PDXDC1: variants seen among roughly 807,000 people sequenced by gnomAD.
The protein encoded by PDXDC1 is pyridoxal dependent decarboxylase domain containing 1.
Under a neutral mutation model 100.1 loss-of-function variants are expected in PDXDC1, and 42 were observed. The observed-to-expected ratio is 0.42, with a 90% CI of 0.33 to 0.54. The LOEUF is 0.54. PDXDC1 is among the 20% of genes least tolerant of loss of function. PDXDC1 has a pLI of 0.10. For missense variants in PDXDC1, 636 were observed against 979.2 expected, an observed-to-expected ratio of 0.65 and a Z score of 4.68; for synonymous variants, 260 against 371.7, an observed-to-expected ratio of 0.70 and a Z score of 3.46.
At chr16:14,993,464 A>G (rs1465148864) in intron 1 of PDXDC1, among the ~76,000 whole-genome samples, 1 of 152,278 alleles carries the variant, frequency 6.6e-6, no homozygotes, top group Non-Finnish European at 1.5e-5. Flanking sequence ...CCTACAAAGG[A>G]CATGAACTCA....
intron 16 of PDXDC1, chr16:15,071,323 T>A: frequency 7.0e-7 from 1 of 1,422,656 alleles, no homozygotes. Flanking sequence ...AATCCCAAGA[T>A]TTTTACTTCA....
intron 16 of PDXDC1, chr16:15,044,407 C>A: frequency 6.2e-7 from 1 of 1,611,532 alleles, no homozygotes; most frequent in Non-Finnish European, 8.5e-7. Flanking sequence ...GTACTTCCAG[C>A]CTGGCAAAGA....
intron 8 of PDXDC1, among the ~76,000 whole-genome samples, chr16:15,015,271 TA>T (rs1468972819): frequency 6.6e-6 from 1 of 152,272 alleles, no homozygotes; most frequent in Non-Finnish European, 1.5e-5. Context: ...AGGGCATATC[TA>T]AATCAAAATA....
At chr16:14,974,950 A>G (rs773644496), upstream of PDXDC1, 1 of 1,535,168 alleles carries the variant, frequency 6.5e-7, no homozygotes, top group South Asian at 1.2e-5. Context: ...TGCGCACGTT[A>G]GGGAGGGCCG....
chr16:15,146,699 G>C, the PDXDC1 span, among the ~76,000 whole-genome samples: 1 of 152,156 alleles, frequency 6.6e-6, no homozygotes, highest in East Asian at 1.9e-4. Flanking sequence ...CACAGTGTCT[G>C]GCTCTCACCC....
At chr16:15,133,874 C>T (rs1387388411) in intron 16 of PDXDC1, 46 of 1,541,816 alleles carry the variant, frequency 3.0e-5, no homozygotes, top group Admixed American at 2.0e-4. Flanking sequence ...CCCCCAGCGG[C>T]GGGCGGTTGG....
At chr16:15,059,192 G>C (rs529505862) in intron 16 of PDXDC1, among the ~76,000 whole-genome samples, 1 of 152,134 alleles carries the variant, frequency 6.6e-6, no homozygotes, top group African/African-American at 2.4e-5. Context: ...GGTGTGTGAC[G>C]TGAGCCTGGG....
intron 16 of PDXDC1, chr16:15,135,330 T>C (rs2048298080): frequency 7.2e-6 from 11 of 1,536,824 alleles, no homozygotes; most frequent in Non-Finnish European, 8.8e-6. Flanking sequence ...ACGGTGAGGC[T>C]GAAGGTGTAC....
chr16:14,981,144 G>C (rs1967884326), intron 1 of PDXDC1, among the ~76,000 whole-genome samples: 4 of 152,296 alleles, frequency 2.6e-5, no homozygotes, highest in Non-Finnish European at 5.9e-5. Context: ...TCTTTAGGCA[G>C]AATATTTAGC....
At chr16:15,031,311 G>A (rs1270022745) in intron 16 of PDXDC1, among the ~76,000 whole-genome samples, 1 of 151,962 alleles carries the variant, frequency 6.6e-6, no homozygotes, top group African/African-American at 2.4e-5. Flanking sequence ...GAGGCCCGGC[G>A]CTGTCACCAT....
In PDXDC1 at chr16:15,028,965, G is replaced by A. The variant is rs1252874033; in HGVS notation, c.1292G>A (p.Trp431Ter). Residue 431 changes from tryptophan to a stop codon, truncating the protein, a stop_gained and splice_region_variant, in exon 15 of 23, where the codon TGG becomes TAG. Coordinates refer to ENST00000396410, the MANE Select transcript of PDXDC1 (RefSeq NM_015027.4). LOFTEE classifies it high-confidence loss of function. ...ERHSCDALNRWLGEQLKQLVP... is the reference protein window; with the variant it reads ...ERHSCDALNR ...CACTCGTGTGACGCGCTGAATCGCT[G>A]GGTGAGAATGGCAGTCACCCCCCTT... 8.7e-6 allele frequency: 14 copies of A among 1,612,078 alleles called. No homozygotes were observed. Among genetic ancestry groups the A allele is most frequent in the African/African-American group, 1.3e-5 (1 of 74,952 alleles).
At chr16:15,147,970 C>T in the PDXDC1 span, among the ~76,000 whole-genome samples, 3 of 151,330 alleles carry the variant, frequency 2.0e-5, no homozygotes, top group East Asian at 5.8e-4. Flanking sequence ...CAGGCGTGAA[C>T]CACCGCGCCC....
At chr16:15,140,724 C>A (rs942370927), downstream of PDXDC1, among the ~76,000 whole-genome samples, 2 of 152,082 alleles carry the variant, frequency 1.3e-5, no homozygotes, top group Admixed American at 1.3e-4. Context: ...TGGGGCAAAC[C>A]GAGAACTCCA....
At chr16:15,035,048 A>C (rs146742506) in intron 21 of PDXDC1, among the ~76,000 whole-genome samples, 5 of 152,306 alleles carry the variant, frequency 3.3e-5, no homozygotes, top group African/African-American at 1.2e-4. Flanking sequence ...TGTTCTACCA[A>C]GGAAATAATT....
At chr16:15,093,842 A>T (rs1328694958) in intron 16 of PDXDC1, 1 of 433,594 alleles carries the variant, frequency 2.3e-6, no homozygotes, top group Non-Finnish European at 4.1e-6. Flanking sequence ...ATTTGGACGA[A>T]GAAGAGGGAA....
At chr16:15,126,086 G>A in intron 16 of PDXDC1, 1 of 503,954 alleles carries the variant, frequency 2.0e-6, no homozygotes, top group Non-Finnish European at 3.6e-6. Flanking sequence ...CCAGGCTGGA[G>A]TGCACTGGCG....
downstream of PDXDC1, among the ~76,000 whole-genome samples, chr16:15,142,581 G>A (rs1462352912): frequency 1.3e-5 from 2 of 152,078 alleles, no homozygotes; most frequent in Non-Finnish European, 2.9e-5. Flanking sequence ...TCTGCCCTGG[G>A]CAGGACTCAG....
intron 16 of PDXDC1, chr16:15,055,954 C>T (rs1327269932): frequency 2.4e-6 from 3 of 1,229,676 alleles, no homozygotes; most frequent in Admixed American, 8.4e-5. Context: ...CTCGCCGCCC[C>T]TCGACGAGCA....
At chr16:14,977,508 G>T (rs1399630836) in intron 1 of PDXDC1, among the ~76,000 whole-genome samples, 1 of 152,270 alleles carries the variant, frequency 6.6e-6, no homozygotes, top group African/African-American at 2.4e-5. Flanking sequence ...TCAAACGCCT[G>T]ACCTTGTGAT....
Sources: gnomAD v4.1 joint callset for allele counts (sites outside exome capture counted in the v4.1 genomes callset) on GRCh38, gnomAD v4.1.1 for gene constraint, MANE v1.5 for transcripts, NCBI Gene and HGNC (gene_info 2026-07-23, HGNC 2026-07-21) for gene names.